The following PACRGL variants were observed in gnomAD, a reference collection of about 807,000 sequenced individuals.
PACRGL encodes parkin coregulated like.
PACRGL carries 38 observed loss-of-function variants against 34.5 expected under a neutral mutation model. The ratio of observed to expected loss-of-function variants is 1.10; its 90% CI spans 0.85 to 1.44. The LOEUF is 1.44. PACRGL is among the 40% of genes most tolerant of loss of function. The probability of loss-of-function intolerance (pLI) is 0.00; values close to 1 mark genes in which losing one functional copy is unlikely to be tolerated. For missense variants in PACRGL, 305 were observed against 281.4 expected, an observed-to-expected ratio of 1.08 and a Z score of -0.60; for synonymous variants, 128 against 100.1, an observed-to-expected ratio of 1.28 and a Z score of -1.66.
At chr4:20,739,791 T>G (rs937048475) in intron 8 of PACRGL, among the ~76,000 whole-genome samples, 2 of 151,922 alleles carry the variant, frequency 1.3e-5, no homozygotes, top group Admixed American at 6.6e-5. Context: ...ATAACAAACT[T>G]CTCCGAACTA....
chr4:20,760,954 G>A, the PACRGL span, among the ~76,000 whole-genome samples: 2 of 152,288 alleles, frequency 1.3e-5, no homozygotes, highest in Admixed American at 1.3e-4. Context: ...TTCTGTAAGG[G>A]TGTTTTTGAG....
intron 3 of PACRGL, among the ~76,000 whole-genome samples, chr4:20,706,820 C>T (rs922424602): frequency 7.9e-5 from 12 of 152,084 alleles, no homozygotes; most frequent in Non-Finnish European, 1.5e-4. Context: ...GTGATCCACC[C>T]GCCTCAGCCT....
intron 7 of PACRGL, among the ~76,000 whole-genome samples, chr4:20,722,325 C>A (rs183729605): frequency 1.3e-5 from 2 of 152,232 alleles, no homozygotes; most frequent in Admixed American, 6.5e-5. Flanking sequence ...GCGCTATACC[C>A]GCTGTCCTGC....
At chr4:20,755,802 A>G (rs984280542), downstream of PACRGL, among the ~76,000 whole-genome samples, 3 of 152,140 alleles carry the variant, frequency 2.0e-5, no homozygotes, top group African/African-American at 7.2e-5. Context: ...TTTCAGGCAG[A>G]GGGAACAGCA....
At chr4:20,740,548 C>T (rs1283250031) in intron 8 of PACRGL, among the ~76,000 whole-genome samples, 1 of 152,178 alleles carries the variant, frequency 6.6e-6, no homozygotes, top group Non-Finnish European at 1.5e-5. Context: ...ACCGCCAGGC[C>T]TGCCTTACAA....
chr4:20,717,150 C>T (rs542599656), intron 7 of PACRGL, among the ~76,000 whole-genome samples: 13 of 152,292 alleles, frequency 8.5e-5, no homozygotes, highest in African/African-American at 1.4e-4. Context: ...AGTGTCTGTT[C>T]GTATCCTTCA....
intron 1 of PACRGL, among the ~76,000 whole-genome samples, chr4:20,703,019 T>C (rs1324117226): frequency 1.6e-4 from 25 of 152,224 alleles, no homozygotes; most frequent in Admixed American, 1.6e-3. Flanking sequence ...GTTTGAGATA[T>C]CTGGCTAAAT....
downstream of PACRGL, among the ~76,000 whole-genome samples, chr4:20,736,186 G>A (rs183541537): frequency 1.7e-3 from 251 of 152,108 alleles, 1 homozygote; most frequent in African/African-American, 5.9e-3. Flanking sequence ...AGGAATTTTT[G>A]TGCATACACA....
chr4:20,758,134 A>G, the PACRGL span, among the ~76,000 whole-genome samples: 3 of 152,336 alleles, frequency 2.0e-5, no homozygotes, highest in Admixed American at 6.5e-5. Flanking sequence ...TAAGTTGGGC[A>G]TCTGTTAGGT....
chr4:20,736,396 A>AT (rs769447689), downstream of PACRGL, among the ~76,000 whole-genome samples: 1 of 151,970 alleles, frequency 6.6e-6, no homozygotes, highest in African/African-American at 2.4e-5. Context: ...TAAATGAGAT[A>AT]TTTTTTTCTA....
At position 20,709,771 on chromosome 4, in the gene PACRGL, G is replaced by T. The variant is rs1383939921; in HGVS notation, c.364G>T (p.Glu122Ter). The change falls in exon 5 of 9, where the codon GAG becomes TAG. Residue 122 changes from glutamate (E) to a stop codon, truncating the protein, a stop_gained and splice_region_variant. Transcript: ENST00000503585. LOFTEE classifies it high-confidence loss of function. ...TGATCCACTTCTTATTACTTTAGCT[G>T]AGGTAAATATGCCATCTCTTGAATA... ...SFDPLLITLA[E>*]GLRETKHPYT... 1 of 1,586,074 alleles carries T rather than the reference G, an allele frequency of 6.3e-7. No individual in the cohort carries two copies. The highest frequency in any genetic ancestry group is 1.3e-5 in the African/African-American group (1 of 74,352).
chr4:20,722,317 G>A lies in PACRGL; in HGVS notation c.610-2491G>A, dbSNP rs12639948. On this transcript the variant is annotated intron_variant, in intron 7 of 8. Transcript: ENST00000503585. ...CCCTGCTTCGGCTCACACTTGGTGCGCTATACCCGCTGTCCTGCACCCACT... is the reference window on the plus strand; with the variant it reads ...CCCTGCTTCGGCTCACACTTGGTGCACTATACCCGCTGTCCTGCACCCACT... Among the ~76,000 whole-genome samples, 359 of 152,324 alleles carry A rather than the reference G, an allele frequency of 2.4e-3. 8 individuals are homozygous for A. In the South Asian group the frequency reaches 0.046, roughly 20 times the overall value.
At chr4:20,718,933 G>T (rs1741546141) in intron 7 of PACRGL, 1 of 152,208 alleles carries the variant, frequency 6.6e-6, no homozygotes, top group Non-Finnish European at 1.5e-5. Flanking sequence ...ACCTCTGGTG[G>T]AATTCAGCTG....
chr4:20,732,077 G>A lies in PACRGL; in HGVS notation c.*4736G>A. ...TTATTTTTGTCCATTTTCTGTTCAG[G>A]AAGAAAACAAAAATTGTATTTAGAC... On this transcript the variant is annotated 3_prime_UTR_variant, in exon 9 of 9. Transcript: ENST00000503585. The A allele has an allele frequency of 6.4e-7, 1 of 1,559,424 alleles. No homozygotes were observed. The highest frequency in any genetic ancestry group is 8.7e-7 in the Non-Finnish European group (1 of 1,151,166).
In PACRGL at chr4:20,727,297, A is replaced by T; in HGVS notation, c.703A>T (p.Ile235Phe). 1 of 1,612,842 alleles carries T rather than the reference A, an allele frequency of 6.2e-7. No homozygotes were observed. The highest frequency in any genetic ancestry group is 1.1e-5 in the South Asian group (1 of 91,046). ...EQHGGSGSLS[I>F]IKSKIPTYCS... ...TTTCTGTTGACAGGGGAGCCTTAGC[A>T]TCATCAAATCTAAAATTCCAACATA... The change falls in exon 9 of 9, where the codon ATC (isoleucine) becomes TTC (phenylalanine). Residue 235 changes from isoleucine (I) to phenylalanine (F), a missense_variant. Ile to Phe is a conservative substitution (Grantham distance 21). Coordinates refer to ENST00000503585, the MANE Select transcript of PACRGL (RefSeq NM_001258345.3).
At chr4:20,725,272 T>C (rs1745152884) in intron 8 of PACRGL, among the ~76,000 whole-genome samples, 1 of 152,138 alleles carries the variant, frequency 6.6e-6, no homozygotes, top group African/African-American at 2.4e-5. Flanking sequence ...TTTTTCTCTT[T>C]CATTTGCTGC....
chr4:20,727,162 A>AT, intron 8 of PACRGL, 123 bp from the exon 9 acceptor site: 1 of 778,716 alleles, frequency 1.3e-6, no homozygotes, highest in East Asian at 2.5e-5. Context: ...TTATTTCATC[A>AT]TTTTGTTCTT....
At chr4:20,759,770 C>G in the PACRGL span, among the ~76,000 whole-genome samples, 1 of 152,182 alleles carries the variant, frequency 6.6e-6, no homozygotes, top group Non-Finnish European at 1.5e-5. Context: ...GTTATAAGAA[C>G]CAGTGTGGTT....
intron 8 of PACRGL, among the ~76,000 whole-genome samples, chr4:20,745,125 CTCT>C (rs1752134139): frequency 6.6e-6 from 1 of 152,180 alleles, no homozygotes; most frequent in Non-Finnish European, 1.5e-5. Context: ...GAGCTTTGGC[CTCT>C]TCTTGCAGCC....
Sources: gnomAD v4.1 joint callset for allele counts (sites outside exome capture counted in the v4.1 genomes callset) on GRCh38, gnomAD v4.1.1 for gene constraint, MANE v1.5 for transcripts, NCBI Gene and HGNC (gene_info 2026-07-23, HGNC 2026-07-21) for gene names.